The following RORA variants were observed in gnomAD, a reference collection of about 807,000 sequenced individuals.
RORA encodes nuclear receptor ROR-alpha.
In RORA, 7 loss-of-function variants were observed where a neutral mutation model predicts 69.5. The observed-to-expected ratio is 0.10, with a 90% CI of 0.06 to 0.19. The LOEUF is 0.19. RORA is among the 10% of genes least tolerant of loss of function. The pLI is 1.00. For missense variants in RORA, 457 were observed against 663.0 expected (o/e 0.69, Z 3.41); for synonymous variants, 261 against 240.8 (o/e 1.08, Z -0.78).
intron 1 of RORA, among the ~76,000 whole-genome samples, chr15:61,044,808 T>A (rs781295747): frequency 9.2e-5 from 14 of 152,214 alleles, no homozygotes; most frequent in Admixed American, 6.5e-4. Context: ...ATCCCAGACC[T>A]ACTGAATCAT....
chr15:60,731,860 G>T (rs1428248176), intron 1 of RORA, among the ~76,000 whole-genome samples: 1 of 152,236 alleles, frequency 6.6e-6, no homozygotes, highest in Admixed American at 6.5e-5. Context: ...AATTGCATAA[G>T]CTTAAAGTTG....
chr15:60,845,613 C>T (rs1315033964), intron 1 of RORA, among the ~76,000 whole-genome samples: 2 of 152,184 alleles, frequency 1.3e-5, no homozygotes, highest in African/African-American at 2.4e-5. Flanking sequence ...GTCACACAAC[C>T]TAAATCTCAG....
At chr15:60,779,898 G>T (rs1333611949) in intron 1 of RORA, among the ~76,000 whole-genome samples, 2 of 152,098 alleles carry the variant, frequency 1.3e-5, no homozygotes, top group Non-Finnish European at 2.9e-5. Flanking sequence ...CAACTCGAAG[G>T]GTGGAGACAC....
intron 1 of RORA, among the ~76,000 whole-genome samples, chr15:60,960,659 C>G (rs966846159): frequency 1.6e-5 from 2 of 124,074 alleles, no homozygotes; most frequent in African/African-American, 6.2e-5. Context: ...TTTTTTTTTT[C>G]TAAAAACAGT....
intron 1 of RORA, among the ~76,000 whole-genome samples, chr15:61,152,050 C>T (rs28758471): frequency 0.043 from 6,574 of 152,180 alleles, 484 homozygotes; most frequent in African/African-American, 0.15. Flanking sequence ...TTTCATTCTC[C>T]GCAGCTCAAT....
chr15:60,793,522 A>G (rs1006262201), intron 1 of RORA, among the ~76,000 whole-genome samples: 1 of 146,368 alleles, frequency 6.8e-6, no homozygotes, highest in Non-Finnish European at 1.5e-5. Context: ...CATTTTCAAT[A>G]TATTGATGCT....
chr15:61,080,251 C>G (rs975074088), intron 1 of RORA, among the ~76,000 whole-genome samples: 1 of 152,152 alleles, frequency 6.6e-6, no homozygotes, highest in African/African-American at 2.4e-5. Context: ...TTAGTCTAAT[C>G]TAAACCTCCA....
intron 1 of RORA, among the ~76,000 whole-genome samples, chr15:60,807,908 C>T (rs1002157478): frequency 6.6e-6 from 1 of 152,174 alleles, no homozygotes; most frequent in Admixed American, 6.5e-5. Context: ...CATCTTTCAC[C>T]TTATACAAAT....
intron 2 of RORA, among the ~76,000 whole-genome samples, chr15:60,614,524 T>A (rs1013176275): frequency 4.6e-5 from 7 of 152,186 alleles, no homozygotes; most frequent in African/African-American, 1.7e-4. Flanking sequence ...GGCGCATTGA[T>A]GAGAAAGTCC....
At chr15:60,758,311 T>A (rs1447248140) in intron 1 of RORA, among the ~76,000 whole-genome samples, 1 of 152,200 alleles carries the variant, frequency 6.6e-6, no homozygotes, top group Non-Finnish European at 1.5e-5. Flanking sequence ...CTCACCTATT[T>A]GTGCTTCTCT....
chr15:60,557,184 C>T (rs2140409572), intron 2 of RORA, among the ~76,000 whole-genome samples: 1 of 152,340 alleles, frequency 6.6e-6, no homozygotes, highest in African/African-American at 2.4e-5. Flanking sequence ...GTACTCTCTG[C>T]TTCTGTGAAG....
chr15:61,040,496 C>T (rs760466748), intron 1 of RORA, among the ~76,000 whole-genome samples: 4 of 152,030 alleles, frequency 2.6e-5, no homozygotes, highest in Admixed American at 2.0e-4. Context: ...GATCTTTTCC[C>T]TCCATTTCCT....
Position 61,121,848 on chromosome 15 carries a change from T to TAA in RORA, c.166+107203_166+107204dup, listed in dbSNP as rs35795727. 1.6e-4 allele frequency among the ~76,000 whole-genome samples: 21 copies of TAA among 133,144 alleles called. No homozygotes were observed. The East Asian group carries it at 4.6e-3, about 29-fold the overall frequency. 87.3% of individuals were successfully genotyped at this position (133,144 alleles called of 152,430 possible). ...AAGAAAAAAAAAAAATGACTTCCTA[T>TAA]AAAAAAAAAAAAGGGCCCAAGTAGA... is the stretch of plus-strand genomic sequence containing the variant. On this transcript the variant is annotated intron_variant, in intron 1 of 10. Transcript: ENST00000335670.
rs17237402 is a variant in RORA, at chr15:60,774,408, C to G, written c.167-95722G>C. Among the ~76,000 whole-genome samples, 896 of 152,294 alleles carry G rather than the reference C, an allele frequency of 5.9e-3. 9 individuals carry two copies. The highest frequency in any genetic ancestry group is 0.022 in the East Asian group (115 of 5,184). The stretch of plus-strand genomic sequence containing the variant: ...CATCCTGAGAGGCCATCAACAGAGA[C>G]TTCAGAAGGATCACAGAGGCCCAAT... On this transcript the variant is annotated intron_variant, in intron 1 of 10. Coordinates refer to ENST00000335670, the MANE Select transcript of RORA (RefSeq NM_134261.3).
At chr15:60,871,198 G>A (rs796829605) in intron 1 of RORA, among the ~76,000 whole-genome samples, 38 of 152,198 alleles carry the variant, frequency 2.5e-4, no homozygotes, top group African/African-American at 8.7e-4. Context: ...AGTTTTGCAC[G>A]TTTCCCCAAA....
At chr15:60,756,151 T>G (rs1234666166) in intron 1 of RORA, among the ~76,000 whole-genome samples, 1 of 152,218 alleles carries the variant, frequency 6.6e-6, no homozygotes, top group East Asian at 1.9e-4. Context: ...GATATTTTAA[T>G]TTCTACTTAA....
chr15:60,937,180 A>G (rs1241098942), intron 1 of RORA, among the ~76,000 whole-genome samples: 1 of 152,208 alleles, frequency 6.6e-6, no homozygotes. Flanking sequence ...TTAGAACCCA[A>G]AAGTCTGACA....
chr15:60,589,788 T>G (rs1221765406), intron 2 of RORA, among the ~76,000 whole-genome samples: 1 of 152,170 alleles, frequency 6.6e-6, no homozygotes, highest in Non-Finnish European at 1.5e-5. Flanking sequence ...CATCAGTAAA[T>G]CAGCCAACAA....
At chr15:60,986,594 A>T (rs892438850) in intron 1 of RORA, among the ~76,000 whole-genome samples, 1 of 152,228 alleles carries the variant, frequency 6.6e-6, no homozygotes, top group Non-Finnish European at 1.5e-5. Context: ...ATCTGAGGAC[A>T]ACACAAGGTT....
Sources: allele counts gnomAD v4.1 joint callset (sites outside exome capture counted in the v4.1 genomes callset), GRCh38; gene constraint gnomAD v4.1.1; transcripts MANE v1.5; gene names NCBI Gene and HGNC (gene_info 2026-07-23, HGNC 2026-07-21).